The following SORCS2 variants were observed in gnomAD, a reference collection of about 807,000 sequenced individuals.
SORCS2 encodes sortilin related VPS10 domain containing receptor 2, also known as VPS10 domain-containing receptor SorCS2.
SORCS2 carries 100 observed loss-of-function variants against 141.6 expected under a neutral mutation model. The observed-to-expected ratio is 0.71, with a 90% CI of 0.60 to 0.83. The LOEUF is 0.83. Ranked by LOEUF, SORCS2 falls within the 40% of genes least tolerant of loss-of-function variation. The pLI is 0.00. For missense variants in SORCS2, 1,646 were observed against 1,560.2 expected (o/e 1.05, Z -0.93); for synonymous variants, 789 against 676.9 (o/e 1.17, Z -2.57).
intron 1 of SORCS2, among the ~76,000 whole-genome samples, chr4:7,222,514 T>C (rs1328493463): frequency 3.0e-5 from 4 of 132,546 alleles, no homozygotes; most frequent in African/African-American, 1.2e-4. Flanking sequence ...CTAACGGGCA[T>C]GGTGATGAAG....
At chr4:7,390,391 G>T (rs188054699) in intron 1 of SORCS2, among the ~76,000 whole-genome samples, 11 of 152,274 alleles carry the variant, frequency 7.2e-5, no homozygotes, top group African/African-American at 2.4e-4. Context: ...GAGGTGCTCA[G>T]AACGTTTCTT....
chr4:7,378,593 A>G (rs1045553726), intron 1 of SORCS2, among the ~76,000 whole-genome samples: 1 of 152,198 alleles, frequency 6.6e-6, no homozygotes, highest in Non-Finnish European at 1.5e-5. Flanking sequence ...CCGTGATTCA[A>G]TTATCTCCAC....
At chr4:7,665,166 G>T (rs1722428316) in intron 7 of SORCS2, among the ~76,000 whole-genome samples, 1 of 152,154 alleles carries the variant, frequency 6.6e-6, no homozygotes, top group Non-Finnish European at 1.5e-5. Flanking sequence ...CAGCTGCTGG[G>T]TGCCCTCTCC....
chr4:7,255,054 T>G (rs529778913), intron 1 of SORCS2, among the ~76,000 whole-genome samples: 6 of 152,142 alleles, frequency 3.9e-5, no homozygotes, highest in Admixed American at 3.9e-4. Flanking sequence ...AGTGAGTGTG[T>G]GAGCGTGCGT....
chr4:7,307,262 G>A (rs1296161267), intron 1 of SORCS2, among the ~76,000 whole-genome samples: 1 of 152,244 alleles, frequency 6.6e-6, no homozygotes, highest in Non-Finnish European at 1.5e-5. Flanking sequence ...ACGGGTCCTG[G>A]GAGGGGATTC....
At chr4:7,364,353 GA>G (rs1418242778) in intron 1 of SORCS2, among the ~76,000 whole-genome samples, 3 of 152,192 alleles carry the variant, frequency 2.0e-5, no homozygotes, top group Non-Finnish European at 2.9e-5. Flanking sequence ...TCTTTTCGGT[GA>G]CATCTTGCTC....
chr4:7,494,405 A>G (rs1731489395), intron 2 of SORCS2, among the ~76,000 whole-genome samples: 1 of 152,148 alleles, frequency 6.6e-6, no homozygotes, highest in Non-Finnish European at 1.5e-5. Flanking sequence ...AACAACAGCC[A>G]TTTGTTTCTT....
chr4:7,290,356 A>C (rs1482489915), intron 1 of SORCS2, among the ~76,000 whole-genome samples: 2 of 152,158 alleles, frequency 1.3e-5, no homozygotes, highest in East Asian at 3.9e-4. Context: ...TCAGTGTGTG[A>C]CAGGAAGAAA....
At chr4:7,389,102 G>A (rs116778609) in intron 1 of SORCS2, among the ~76,000 whole-genome samples, 1,627 of 152,336 alleles carry the variant, frequency 0.011, 29 homozygotes, top group African/African-American at 0.037. Flanking sequence ...TGGAGGTCTT[G>A]GAAAGCGGCT....
At chr4:7,724,362 A>G (rs1220690422) in intron 19 of SORCS2, among the ~76,000 whole-genome samples, 1 of 125,712 alleles carries the variant, frequency 8.0e-6, no homozygotes, top group Non-Finnish European at 1.6e-5. Context: ...TAGTGGTAGT[A>G]ATGGTGATGA....
At chr4:7,500,177 T>C (rs1208114827) in intron 2 of SORCS2, among the ~76,000 whole-genome samples, 1 of 152,050 alleles carries the variant, frequency 6.6e-6, no homozygotes, top group Admixed American at 6.5e-5. Context: ...AGCTCCCACC[T>C]ATCAGCTCCC....
At chr4:7,604,013 T>A (rs886373) in intron 3 of SORCS2, among the ~76,000 whole-genome samples, 96,330 of 152,062 alleles carry the variant, frequency 0.63, 31,658 homozygotes, top group Non-Finnish European at 0.68. Context: ...TGTTGTGTGT[T>A]TGTTGTGTGT....
At chr4:7,657,406 G>A (rs1429182948) in intron 5 of SORCS2, among the ~76,000 whole-genome samples, 1 of 152,144 alleles carries the variant, frequency 6.6e-6, no homozygotes, top group Admixed American at 6.5e-5. Flanking sequence ...CTGAGTGTGT[G>A]ATTGAGTGAG....
intron 1 of SORCS2, among the ~76,000 whole-genome samples, chr4:7,325,376 G>A (rs1719186043): frequency 6.6e-6 from 1 of 152,194 alleles, no homozygotes; most frequent in Non-Finnish European, 1.5e-5. Flanking sequence ...GTGGTGCCCA[G>A]CACATCACAG....
At chr4:7,445,623 G>C (rs1312659094) in intron 2 of SORCS2, among the ~76,000 whole-genome samples, 1 of 152,182 alleles carries the variant, frequency 6.6e-6, no homozygotes, top group East Asian at 1.9e-4. Flanking sequence ...TGGAGGCCAG[G>C]ATGGGGGCTG....
chr4:7,386,768 C>T (rs544930528), intron 1 of SORCS2, among the ~76,000 whole-genome samples: 1 of 35,068 alleles, frequency 2.9e-5, no homozygotes, highest in African/African-American at 1.6e-4. Context: ...GAGATACACA[C>T]ATATGCACAC....
chr4:7,286,219 C>A lies in SORCS2; in HGVS notation c.480+93093C>A, dbSNP rs893077239. Reference sequence around the variant, plus strand: ...ACTGCACGACTCGGACCCTGAGTCTCCTCGCGTGGGAAGTGGGCACAGCCT... The same window carrying A: ...ACTGCACGACTCGGACCCTGAGTCTACTCGCGTGGGAAGTGGGCACAGCCT... On this transcript the variant is annotated intron_variant, in intron 1 of 26. Transcript: ENST00000507866. The surrounding 1 kb of genome is among the most constrained non-coding windows in gnomAD (Gnocchi z 4.1). 1.3e-5 allele frequency among the ~76,000 whole-genome samples: 2 copies of A among 152,198 alleles called. No individual in the cohort carries two copies. Among genetic ancestry groups the A allele is most frequent in the South Asian group, 2.1e-4 (1 of 4,832 alleles).
chr4:7,572,801 A>G (rs1371742558), intron 3 of SORCS2, among the ~76,000 whole-genome samples: 4 of 152,230 alleles, frequency 2.6e-5, no homozygotes, highest in African/African-American at 9.6e-5. Flanking sequence ...AATGTTTTTA[A>G]CACATTGGCT....
intron 1 of SORCS2, among the ~76,000 whole-genome samples, chr4:7,383,259 G>A (rs1256257481): frequency 1.3e-5 from 2 of 152,136 alleles, no homozygotes; most frequent in African/African-American, 4.8e-5. Context: ...AATTCTGAGG[G>A]GTAGGCCTTT....
Sources: gnomAD v4.1 joint callset for allele counts (sites outside exome capture counted in the v4.1 genomes callset) on GRCh38, gnomAD v4.1.1 for gene constraint, Gnocchi (gnomAD v3.1) non-coding constraint, MANE v1.5 for transcripts, NCBI Gene and HGNC (gene_info 2026-07-23, HGNC 2026-07-21) for gene names.